Variants in LGR4 observed in about 807,000 individuals in gnomAD.
LGR4 encodes leucine-rich repeat-containing G protein-coupled receptor 4.
LGR4 carries 44 observed loss-of-function variants against 84.8 expected under a neutral mutation model. That is an observed-to-expected ratio of 0.52 (90% CI 0.41 to 0.67). The LOEUF (loss-of-function observed/expected upper bound fraction) is 0.67. LGR4 is among the 30% of genes least tolerant of loss of function. The pLI is 0.00. For synonymous variants in LGR4, 429 were observed against 434.3 expected, an observed-to-expected ratio of 0.99 and a Z score of 0.15; for missense variants, 1,032 against 1,131.4, an observed-to-expected ratio of 0.91 and a Z score of 1.26.
intron 4 of LGR4, among the ~76,000 whole-genome samples, chr11:27,386,137 C>A: frequency 6.6e-6 from 1 of 152,076 alleles, no homozygotes; most frequent in East Asian, 1.9e-4. Flanking sequence ...GTTGGAAAAA[C>A]CAAGCAGCTC....
At chr11:27,386,599 C>T (rs1235778432) in intron 4 of LGR4, among the ~76,000 whole-genome samples, 1 of 152,182 alleles carries the variant, frequency 6.6e-6, no homozygotes, top group Non-Finnish European at 1.5e-5. Context: ...TTTCCTTGCG[C>T]TGTTCCAACT....
In LGR4 at chr11:27,382,092, C is replaced by T. The variant is rs1290047533; in HGVS notation, c.758+96G>A. The T allele has an allele frequency of 1.5e-5, 12 of 804,426 alleles. 1 individual carries two copies. Among genetic ancestry groups the T allele is most frequent in the East Asian group, 7.4e-5 (3 of 40,466 alleles). The allele number at this position is 804,426 out of a possible 1,614,324, so 49.8% of individuals were successfully genotyped here. A position where few individuals can be genotyped will look rare whatever the true frequency, so the allele number is the denominator to read the frequency against. Reference sequence around the variant, plus strand: ...TTTGTGTGCATGTATTATGGATATACGTAATGGAACAAGATGTTCTAAAAT... The same window carrying T: ...TTTGTGTGCATGTATTATGGATATATGTAATGGAACAAGATGTTCTAAAAT... On this transcript the variant is annotated intron_variant, in intron 7 of 17. Coordinates refer to ENST00000379214, the MANE Select transcript of LGR4 (RefSeq NM_018490.5).
intron 17 of LGR4, among the ~76,000 whole-genome samples, chr11:27,370,650 T>C (rs1223462585): frequency 6.6e-6 from 1 of 152,154 alleles, no homozygotes; most frequent in Non-Finnish European, 1.5e-5. Context: ...CAGACCAGCT[T>C]TCCTCCTGGC....
chr11:27,428,492 G>A (rs77204369), intron 1 of LGR4, among the ~76,000 whole-genome samples: 3,655 of 152,308 alleles, frequency 0.024, 106 homozygotes, highest in African/African-American at 0.073. Context: ...TTGTGAGCAC[G>A]CTCTACGTGC....
At chr11:27,424,156 T>C (rs1320792028) in intron 1 of LGR4, among the ~76,000 whole-genome samples, 2 of 152,100 alleles carry the variant, frequency 1.3e-5, no homozygotes, top group Non-Finnish European at 2.9e-5. Context: ...GAAGAGAATA[T>C]CTAATTCCTC....
intron 2 of LGR4, among the ~76,000 whole-genome samples, chr11:27,392,932 T>C (rs989623385): frequency 2.0e-5 from 3 of 152,204 alleles, no homozygotes; most frequent in African/African-American, 7.2e-5. Flanking sequence ...AGAATGCTTT[T>C]GGGAGGAAAG....
At chr11:27,455,386 A>C (rs1335935198) in intron 1 of LGR4, among the ~76,000 whole-genome samples, 2 of 152,198 alleles carry the variant, frequency 1.3e-5, no homozygotes, top group African/African-American at 4.8e-5. Flanking sequence ...AAAGTCTAAA[A>C]AAAAACAACA....
At chr11:27,372,680 A>C (rs981733917) in intron 15 of LGR4, among the ~76,000 whole-genome samples, 2 of 152,214 alleles carry the variant, frequency 1.3e-5, no homozygotes, top group African/African-American at 4.8e-5. Flanking sequence ...ACTGTAATTT[A>C]AAGTAATATC....
chr11:27,381,919 C>A (rs966908043), intron 7 of LGR4, among the ~76,000 whole-genome samples: 1 of 152,096 alleles, frequency 6.6e-6, no homozygotes, highest in East Asian at 1.9e-4. Flanking sequence ...GATCAGTTTC[C>A]CCAGTAAGAC....
chr11:27,385,917 G>A (rs1245270813), intron 4 of LGR4, among the ~76,000 whole-genome samples: 1 of 151,508 alleles, frequency 6.6e-6, no homozygotes, highest in Non-Finnish European at 1.5e-5. Flanking sequence ...CTCTGATTCT[G>A]TACCAAAGAG....
chr11:27,379,774 C>G (rs904692057), intron 10 of LGR4, among the ~76,000 whole-genome samples: 5 of 152,170 alleles, frequency 3.3e-5, no homozygotes, highest in African/African-American at 1.2e-4. Context: ...AGTCTAATAC[C>G]AAACAATTCT....
intron 1 of LGR4, among the ~76,000 whole-genome samples, chr11:27,461,442 T>C (rs1280047216): frequency 6.6e-6 from 1 of 152,164 alleles, no homozygotes; most frequent in Non-Finnish European, 1.5e-5. Flanking sequence ...ATCTGCATAT[T>C]TCTAGAACCA....
intron 1 of LGR4, among the ~76,000 whole-genome samples, chr11:27,414,011 T>C (rs755878027): frequency 1.3e-5 from 2 of 152,014 alleles, no homozygotes; most frequent in African/African-American, 2.4e-5. Context: ...GGCTTGGGAA[T>C]AACAGTAACA....
intron 10 of LGR4, 146 bp from the exon 11 acceptor site, chr11:27,378,914 A>G (rs1432872919): frequency 1.6e-5 from 10 of 611,862 alleles, no homozygotes; most frequent in Non-Finnish European, 2.9e-5. Context: ...AAAGTTAGAC[A>G]TGCAAGAAGG....
At chr11:27,435,378 G>C (rs1864190597) in intron 1 of LGR4, among the ~76,000 whole-genome samples, 1 of 151,756 alleles carries the variant, frequency 6.6e-6, no homozygotes, top group Non-Finnish European at 1.5e-5. Context: ...AAAACTCAGA[G>C]ATAACAATGC....
chr11:27,389,678 A>G (rs1439824505), intron 4 of LGR4, among the ~76,000 whole-genome samples: 1 of 152,160 alleles, frequency 6.6e-6, no homozygotes. Context: ...AAGGTCTTGA[A>G]GTAAAATATA....
At chr11:27,467,395 G>A (rs1462000110) in intron 1 of LGR4, among the ~76,000 whole-genome samples, 1 of 151,756 alleles carries the variant, frequency 6.6e-6, no homozygotes, top group Non-Finnish European at 1.5e-5. Context: ...GTAAAACCCC[G>A]ACTCTACTAA....
intron 1 of LGR4, among the ~76,000 whole-genome samples, chr11:27,445,621 G>GTAA (rs1370158397): frequency 1.3e-5 from 2 of 152,118 alleles, no homozygotes; most frequent in East Asian, 3.9e-4. Context: ...GCTCACACCT[G>GTAA]TAATCCAAGC....
chr11:27,472,162 C>T lies in LGR4; in HGVS notation c.141G>A (p.Gly47=), dbSNP rs1864889291. Residue 47 remains glycine (G), a synonymous_variant, in exon 1 of 18, where the codon GGG becomes GGA. Transcript: ENST00000379214. ...TGAGCCCCTCGGGCACGGCCGTCAG[C>T]CCCTTCCCGGAGCAGTCCACCCGAC... ...GDRRVDCSGK[G]LTAVPEGLSA... The T allele has an allele frequency of 7.0e-7, 1 of 1,422,334 alleles. No homozygotes were observed. Among genetic ancestry groups the T allele is most frequent in the Non-Finnish European group, 9.2e-7 (1 of 1,089,602 alleles). 88.1% of individuals were successfully genotyped at this position (1,422,334 alleles called of 1,614,324 possible).
Sources: gnomAD v4.1 joint callset for allele counts (sites outside exome capture counted in the v4.1 genomes callset) on GRCh38, gnomAD v4.1.1 for gene constraint, MANE v1.5 for transcripts, NCBI Gene and HGNC (gene_info 2026-07-23, HGNC 2026-07-21) for gene names.